Variants in MTHFD2L observed in about 807,000 individuals in gnomAD.
The protein encoded by MTHFD2L is methylenetetrahydrofolate dehydrogenase (NADP+ dependent) 2 like.
Under a neutral mutation model 34.9 loss-of-function variants are expected in MTHFD2L, and 29 were observed. The ratio of observed to expected loss-of-function variants is 0.83; its 90% CI spans 0.62 to 1.13. The LOEUF (loss-of-function observed/expected upper bound fraction) is 1.13. Among genes scored for constraint, MTHFD2L ranks in the 50% most tolerant of loss-of-function variants. MTHFD2L has a pLI of 0.00. For synonymous variants in MTHFD2L, 167 were observed against 155.7 expected (o/e 1.07, Z -0.54); for missense variants, 481 against 446.5 (o/e 1.08, Z -0.70).
At chr4:74,300,754 T>C (rs1400309849) in intron 7 of MTHFD2L, among the ~76,000 whole-genome samples, 2 of 152,080 alleles carry the variant, frequency 1.3e-5, no homozygotes, top group African/African-American at 4.8e-5. Context: ...CCATGACTTA[T>C]GATGGGGTTA....
intron 6 of MTHFD2L, among the ~76,000 whole-genome samples, chr4:74,266,474 C>A (rs1745300187): frequency 6.6e-6 from 1 of 152,146 alleles, no homozygotes; most frequent in Non-Finnish European, 1.5e-5. Context: ...ACCACCTTTC[C>A]AACCACTACA....
At chr4:74,293,658 G>T in intron 7 of MTHFD2L, 1 of 249,354 alleles carries the variant, frequency 4.0e-6, no homozygotes, top group Non-Finnish European at 6.4e-6. Context: ...GGAGCCCTCT[G>T]CTCCCTGGTT....
chr4:74,267,028 C>A, intron 6 of MTHFD2L: 1 of 985,182 alleles, frequency 1.0e-6, no homozygotes, highest in Non-Finnish European at 1.2e-6. Flanking sequence ...TAGCAGAGCT[C>A]CCCTCTACCT....
At position 74,225,334 on chromosome 4, in the gene MTHFD2L, A is replaced by AC. The variant is rs1355328312; in HGVS notation, c.750dup (p.Lys251GlnfsTer27). On this transcript the variant is annotated frameshift_variant, in exon 6 of 8. Transcript: ENST00000325278. LOFTEE classifies it high-confidence loss of function. ...AACTGTGACAATAGCTCACAGATACACCCCCAAAGAGCAACTGAAGATTCA... is the reference window on the plus strand; with the variant it reads ...AACTGTGACAATAGCTCACAGATACACCCCCCAAAGAGCAACTGAAGATTCA... The AC allele has an allele frequency of 1.9e-6, 3 of 1,613,002 alleles. No individual in the cohort carries two copies. The highest frequency in any genetic ancestry group is 2.5e-6 in the Non-Finnish European group (3 of 1,179,350).
intron 6 of MTHFD2L, among the ~76,000 whole-genome samples, chr4:74,235,876 G>C (rs1030503429): frequency 2.6e-5 from 4 of 151,900 alleles, no homozygotes; most frequent in Non-Finnish European, 5.9e-5. Context: ...TGAAAGCATT[G>C]TTTGAGTAAC....
chr4:74,205,294 C>T (rs189018696), intron 5 of MTHFD2L, among the ~76,000 whole-genome samples: 40 of 152,222 alleles, frequency 2.6e-4, no homozygotes, highest in Non-Finnish European at 4.4e-4. Context: ...GCAGTGACTC[C>T]ATGTGCATTG....
intron 6 of MTHFD2L, among the ~76,000 whole-genome samples, chr4:74,264,614 G>A (rs1745070497): frequency 6.6e-6 from 1 of 151,846 alleles, no homozygotes; most frequent in East Asian, 1.9e-4. Context: ...AAGTTTGAGA[G>A]ATGCTTTATC....
At chr4:74,271,682 A>C (rs1578676526) in intron 6 of MTHFD2L, among the ~76,000 whole-genome samples, 1 of 152,256 alleles carries the variant, frequency 6.6e-6, no homozygotes, top group Non-Finnish European at 1.5e-5. Context: ...TGAACTTTAA[A>C]GTAGTTTTTT....
At chr4:74,155,414 C>A (rs1724178356), upstream of MTHFD2L, among the ~76,000 whole-genome samples, 1 of 152,060 alleles carries the variant, frequency 6.6e-6, no homozygotes, top group East Asian at 1.9e-4. Flanking sequence ...AAAACAAGTT[C>A]TAAACTTTAC....
chr4:74,258,410 A>AC (rs61250753), intron 6 of MTHFD2L, among the ~76,000 whole-genome samples: 1 of 152,084 alleles, frequency 6.6e-6, no homozygotes, highest in African/African-American at 2.4e-5. Context: ...ACACACACAC[A>AC]AACACACAGT....
At chr4:74,202,339 T>C (rs1734584260) in intron 5 of MTHFD2L, among the ~76,000 whole-genome samples, 1 of 152,218 alleles carries the variant, frequency 6.6e-6, no homozygotes, top group Admixed American at 6.5e-5. Context: ...ATTTCTACTC[T>C]AGTTTATTTA....
intron 5 of MTHFD2L, among the ~76,000 whole-genome samples, chr4:74,224,690 C>T (rs2110120279): frequency 6.6e-6 from 1 of 152,194 alleles, no homozygotes; most frequent in South Asian, 2.1e-4. Context: ...TGTACCATAA[C>T]CTGTGACAAA....
intron 6 of MTHFD2L, among the ~76,000 whole-genome samples, chr4:74,270,976 G>C (rs1321137023): frequency 1.3e-5 from 2 of 152,268 alleles, no homozygotes; most frequent in African/African-American, 2.4e-5. Flanking sequence ...CTTCTTTTGA[G>C]AAGTGTCTGT....
intron 1 of MTHFD2L, among the ~76,000 whole-genome samples, chr4:74,126,987 G>A (rs559606471): frequency 6.6e-6 from 1 of 152,204 alleles, no homozygotes; most frequent in African/African-American, 2.4e-5. Context: ...TAGTGAATGA[G>A]TTATCATGAG....
intron 5 of MTHFD2L, among the ~76,000 whole-genome samples, chr4:74,220,438 A>G (rs1043428196): frequency 6.6e-6 from 1 of 151,822 alleles, no homozygotes; most frequent in Non-Finnish European, 1.5e-5. Context: ...TGATTTTTCT[A>G]TATTAACCTT....
chr4:74,273,040 G>A (rs545912602), intron 6 of MTHFD2L, among the ~76,000 whole-genome samples: 4 of 152,168 alleles, frequency 2.6e-5, no homozygotes, highest in East Asian at 1.9e-4. Flanking sequence ...TTTGTATTAC[G>A]CCTTTTTATC....
chr4:74,201,286 G>C lies in MTHFD2L; in HGVS notation c.628G>C (p.Val210Leu), dbSNP rs767390123. The C allele has an allele frequency of 8.1e-6, 13 of 1,613,472 alleles. No individual in the cohort carries two copies. In the Middle Eastern group the frequency reaches 4.9e-4, roughly 61 times the overall value. ...RTGIQTFGKN[V>L]VVAGRSKNVG... Reference sequence around the variant, plus strand: ...AGGAATTCAAACATTTGGAAAAAATGTGGTTGTGGCTGGAAGATCCAAGAA... The same window carrying C: ...AGGAATTCAAACATTTGGAAAAAATCTGGTTGTGGCTGGAAGATCCAAGAA... The change falls in exon 5 of 8, where the codon GTG (valine) becomes CTG (leucine). Residue 210 changes from valine to leucine, a missense_variant. Val to Leu is a conservative substitution (Grantham distance 32, BLOSUM62 1). Transcript: ENST00000325278.
chr4:74,126,890 G>A (rs1722118542), intron 1 of MTHFD2L, among the ~76,000 whole-genome samples: 1 of 151,992 alleles, frequency 6.6e-6, no homozygotes, highest in Admixed American at 6.6e-5. Flanking sequence ...TTGAATTTCA[G>A]TTCCCATAAT....
intron 6 of MTHFD2L, among the ~76,000 whole-genome samples, chr4:74,227,320 C>T (rs1739319295): frequency 6.6e-6 from 1 of 152,206 alleles, no homozygotes; most frequent in African/African-American, 2.4e-5. Context: ...AGGAATGGTA[C>T]AAGCTTCCTC....
Sources: allele counts gnomAD v4.1 joint callset (sites outside exome capture counted in the v4.1 genomes callset), GRCh38; gene constraint gnomAD v4.1.1; transcripts MANE v1.5; gene names NCBI Gene and HGNC (gene_info 2026-07-23, HGNC 2026-07-21).